SLC12A6: variants seen among roughly 807,000 people sequenced by gnomAD.
SLC12A6 encodes solute carrier family 12 member 6.
A neutral mutation model predicts 135.3 loss-of-function variants in SLC12A6; 66 were observed. That is an observed-to-expected ratio of 0.49 (90% CI 0.40 to 0.60). SLC12A6 has a LOEUF of 0.60. Ranked by LOEUF, SLC12A6 falls within the 20% of genes least tolerant of loss-of-function variation. The pLI is 0.00. For synonymous variants in SLC12A6, 513 were observed against 508.8 expected (o/e 1.01, Z -0.11); for missense variants, 1,058 against 1,452.3 (o/e 0.73, Z 4.41).
chr15:34,287,058 A>G (rs917095816), intron 2 of SLC12A6, among the ~76,000 whole-genome samples: 1 of 152,068 alleles, frequency 6.6e-6, no homozygotes, highest in Admixed American at 6.6e-5. Context: ...TTTGTTATAC[A>G]GGTATACACG....
At chr15:34,276,659 C>G (rs1894316339) in intron 2 of SLC12A6, among the ~76,000 whole-genome samples, 1 of 152,260 alleles carries the variant, frequency 6.6e-6, no homozygotes, top group South Asian at 2.1e-4. Context: ...AAAGTCACAT[C>G]TTTATTTTCA....
intron 1 of SLC12A6, 163 bp downstream of exon 1, chr15:34,337,169 T>C (rs961786092): frequency 4.1e-6 from 1 of 241,684 alleles, no homozygotes; most frequent in African/African-American, 2.3e-5. Context: ...GTGGATCAGA[T>C]TGCTAAAAGG....
intron 2 of SLC12A6, among the ~76,000 whole-genome samples, chr15:34,285,146 A>G (rs1379081368): frequency 1.3e-5 from 2 of 152,230 alleles, no homozygotes; most frequent in African/African-American, 4.8e-5. Context: ...TTCTGTTTTA[A>G]CATGATCACA....
intron 4 of SLC12A6, among the ~76,000 whole-genome samples, chr15:34,260,066 A>T (rs1006707984): frequency 6.6e-6 from 1 of 152,224 alleles, no homozygotes; most frequent in Non-Finnish European, 1.5e-5. Context: ...AATTGCTAAG[A>T]AAGTCAAATT....
intron 2 of SLC12A6, among the ~76,000 whole-genome samples, chr15:34,287,594 A>G (rs560898176): frequency 2.0e-5 from 3 of 152,196 alleles, no homozygotes; most frequent in Non-Finnish European, 4.4e-5. Context: ...ACTCCCACCA[A>G]CAGTGTAGAA....
At chr15:34,319,424 T>C (rs1888899129) in intron 2 of SLC12A6, among the ~76,000 whole-genome samples, 1 of 152,042 alleles carries the variant, frequency 6.6e-6, no homozygotes, top group Non-Finnish European at 1.5e-5. Context: ...TTAACAGGCG[T>C]GAGCCACCGT....
chr15:34,334,886 G>T (rs1235908328), intron 2 of SLC12A6, among the ~76,000 whole-genome samples: 1 of 152,146 alleles, frequency 6.6e-6, no homozygotes, highest in Non-Finnish European at 1.5e-5. Flanking sequence ...GACTGGACAA[G>T]GAACCTGTTC....
chr15:34,254,259 T>C, intron 9 of SLC12A6, 89 bp downstream of exon 9: 1 of 1,320,760 alleles, frequency 7.6e-7, no homozygotes, highest in Non-Finnish European at 1.1e-6. Context: ...AGAGAGACTC[T>C]ATGAAATTCT....
intron 3 of SLC12A6, among the ~76,000 whole-genome samples, chr15:34,261,471 T>G (rs1454005045): frequency 6.6e-6 from 1 of 152,166 alleles, no homozygotes; most frequent in Non-Finnish European, 1.5e-5. Flanking sequence ...AATTTGTTTG[T>G]ATTTTTAATA....
chr15:34,288,322 G>A (rs144867120), intron 2 of SLC12A6, among the ~76,000 whole-genome samples: 5,992 of 152,168 alleles, frequency 0.039, 219 homozygotes, highest in African/African-American at 0.099. Flanking sequence ...TGAGGCCTCC[G>A]TTCTGTTCCA....
chr15:34,252,819 T>C (rs1408995076), intron 9 of SLC12A6, among the ~76,000 whole-genome samples: 1 of 152,246 alleles, frequency 6.6e-6, no homozygotes, highest in African/African-American at 2.4e-5. Context: ...AGTCCTTTTG[T>C]TGTTCTTATA....
chr15:34,331,899 T>C (rs1889875684), intron 2 of SLC12A6, among the ~76,000 whole-genome samples: 1 of 152,150 alleles, frequency 6.6e-6, no homozygotes, highest in Non-Finnish European at 1.5e-5. Flanking sequence ...AGTCTCAAAG[T>C]TGTTACACTT....
chr15:34,338,022 G>A (rs915576042), upstream of SLC12A6: 1 of 151,984 alleles, frequency 6.6e-6, no homozygotes, highest in African/African-American at 2.4e-5. Context: ...GCGCCCGAAA[G>A]CCCCGCCCAG....
In SLC12A6 at chr15:34,257,773, T is replaced by G. The variant is rs759362753; in HGVS notation, c.559A>C (p.Thr187Pro). Residue 187 changes from threonine (T) to proline (P), a missense_variant, in exon 6 of 26, where the codon ACC becomes CCC. Transcript: ENST00000354181. ...CATGGGAGGTAGACACCCATGAAGG[T>G]ACCCATTTGGGGGGTCTAGAAAGAA... ...KKPTKTPQMG[T>P]FMGVYLPCLQ... The G allele has an allele frequency of 1.9e-6, 3 of 1,606,928 alleles. No individual in the cohort carries two copies. The highest frequency in any genetic ancestry group is 2.6e-6 in the Non-Finnish European group (3 of 1,173,606).
At chr15:34,300,518 T>C (rs1896168424) in intron 2 of SLC12A6, among the ~76,000 whole-genome samples, 1 of 152,050 alleles carries the variant, frequency 6.6e-6, no homozygotes, top group African/African-American at 2.4e-5. Context: ...AGGAGGTGGC[T>C]AGGCACAGTG....
At chr15:34,285,949 C>T (rs1168264231) in intron 2 of SLC12A6, among the ~76,000 whole-genome samples, 2 of 151,762 alleles carry the variant, frequency 1.3e-5, no homozygotes, top group African/African-American at 2.4e-5. Context: ...GAGAGTTGTT[C>T]ATTGGGTATA....
intron 20 of SLC12A6, 79 bp downstream of exon 20, chr15:34,238,886 T>C: frequency 4.8e-6 from 6 of 1,241,280 alleles, no homozygotes; most frequent in Non-Finnish European, 7.1e-6. Context: ...GTCTCTACTT[T>C]AGGAGGCTGG....
intron 3 of SLC12A6, among the ~76,000 whole-genome samples, chr15:34,271,933 T>G (rs1465895840): frequency 6.6e-6 from 1 of 152,180 alleles, no homozygotes; most frequent in East Asian, 1.9e-4. Flanking sequence ...ACAAGGTTTT[T>G]AGGGAGAGCT....
chr15:34,257,059 A>G (rs1892801968), intron 6 of SLC12A6, among the ~76,000 whole-genome samples: 3 of 152,180 alleles, frequency 2.0e-5, no homozygotes, highest in Admixed American at 1.3e-4. Flanking sequence ...GTAGGGTATA[A>G]AGGTCATAGT....
Sources: gnomAD v4.1 joint callset for allele counts (sites outside exome capture counted in the v4.1 genomes callset) on GRCh38, gnomAD v4.1.1 for gene constraint, MANE v1.5 for transcripts, NCBI Gene and HGNC (gene_info 2026-07-23, HGNC 2026-07-21) for gene names.